Variants in LRRTM4 observed in about 807,000 individuals in gnomAD.
LRRTM4 encodes leucine rich repeat transmembrane neuronal 4, also known as leucine-rich repeat transmembrane neuronal protein 4.
Under a neutral mutation model 47.6 loss-of-function variants are expected in LRRTM4, and 25 were observed. The observed-to-expected ratio is 0.53, with a 90% confidence interval of 0.38 to 0.73. The LOEUF (loss-of-function observed/expected upper bound fraction) is 0.73. Among genes scored for constraint, LRRTM4 ranks in the 30% least tolerant of loss-of-function variants. The probability of loss-of-function intolerance (pLI) is 0.00; values close to 1 mark genes in which losing one functional copy is unlikely to be tolerated. For synonymous variants in LRRTM4, 311 were observed against 269.5 expected (o/e 1.15, Z -1.51); for missense variants, 638 against 713.4 (o/e 0.89, Z 1.20).
intron 3 of LRRTM4, among the ~76,000 whole-genome samples, chr2:76,960,269 G>C (rs115317799): frequency 9.2e-5 from 14 of 151,606 alleles, no homozygotes; most frequent in Non-Finnish European, 2.1e-4. Context: ...ACAATGCTAC[G>C]AGAGAGATAA....
intron 3 of LRRTM4, among the ~76,000 whole-genome samples, chr2:77,184,146 A>T (rs1314366936): frequency 6.6e-6 from 1 of 152,154 alleles, no homozygotes; most frequent in Non-Finnish European, 1.5e-5. Context: ...AGTAAAGTTC[A>T]GAAAAATAAA....
At chr2:77,178,026 T>C (rs928104317) in intron 3 of LRRTM4, among the ~76,000 whole-genome samples, 1 of 152,216 alleles carries the variant, frequency 6.6e-6, no homozygotes, top group African/African-American at 2.4e-5. Context: ...AACAATGACC[T>C]CCTTCATACT....
At chr2:77,289,789 T>C (rs144027861) in intron 3 of LRRTM4, among the ~76,000 whole-genome samples, 1 of 152,052 alleles carries the variant, frequency 6.6e-6, no homozygotes, top group African/African-American at 2.4e-5. Flanking sequence ...ACTTCTGACG[T>C]GAAATATTTG....
At position 76,778,475 on chromosome 2, in the gene LRRTM4, T is replaced by A. The variant is rs961674600; in HGVS notation, c.1552-29559A>T. Among the ~76,000 whole-genome samples the A allele has an allele frequency of 1.1e-3, 159 of 148,290 alleles. 12 individuals carry two copies. The highest frequency in any genetic ancestry group is 4.0e-3 in the African/African-American group (152 of 37,758). On this transcript the variant is annotated intron_variant, in intron 3 of 3. Transcript: ENST00000409884. ...TCTATTCAGAGATTCAACTTCTTCC[T>A]GGGTTAGTCTTGGGAGAGTGTATGT...
At chr2:77,147,253 A>G (rs1558604536) in intron 3 of LRRTM4, among the ~76,000 whole-genome samples, 2 of 152,200 alleles carry the variant, frequency 1.3e-5, no homozygotes, top group Non-Finnish European at 2.9e-5. Flanking sequence ...GAAGACATTG[A>G]TGCAGATATA....
chr2:77,321,557 G>A (rs577528803), intron 3 of LRRTM4, among the ~76,000 whole-genome samples: 1 of 111,222 alleles, frequency 9.0e-6, no homozygotes, highest in African/African-American at 4.2e-5. Flanking sequence ...CGGGGAGGGG[G>A]GGGGGTGTGT....
chr2:77,265,788 A>T (rs1676034282), intron 3 of LRRTM4, among the ~76,000 whole-genome samples: 1 of 152,170 alleles, frequency 6.6e-6, no homozygotes, highest in Admixed American at 6.5e-5. Flanking sequence ...AAAAGTTAGA[A>T]TTACACATTT....
chr2:77,346,819 A>G (rs922722091), intron 3 of LRRTM4, among the ~76,000 whole-genome samples: 79 of 151,548 alleles, frequency 5.2e-4, no homozygotes, highest in Middle Eastern at 3.2e-3. Flanking sequence ...ATCACAATAG[A>G]TTGATTTTAA....
intron 3 of LRRTM4, among the ~76,000 whole-genome samples, chr2:77,347,982 T>C (rs1374823221): frequency 2.0e-5 from 3 of 151,448 alleles, no homozygotes; most frequent in African/African-American, 7.3e-5. Context: ...AACATAAAAA[T>C]GCTCAAACTT....
chr2:76,831,840 G>T (rs563298418), intron 3 of LRRTM4, among the ~76,000 whole-genome samples: 1 of 151,776 alleles, frequency 6.6e-6, no homozygotes, highest in Non-Finnish European at 1.5e-5. Context: ...TTATATTTTT[G>T]TGCAGAAGGA....
chr2:76,807,717 G>A (rs1018643517), intron 3 of LRRTM4, among the ~76,000 whole-genome samples: 2 of 149,990 alleles, frequency 1.3e-5, no homozygotes, highest in Non-Finnish European at 3.0e-5. Flanking sequence ...TCAGCCTCCC[G>A]AGTAGTTGGG....
intron 3 of LRRTM4, among the ~76,000 whole-genome samples, chr2:76,956,727 CAAAATAAATAAATTCAGAAAG>C (rs1158540062): frequency 1.3e-5 from 2 of 149,684 alleles, no homozygotes; most frequent in Middle Eastern, 3.2e-3. Context: ...AGAGAAGATT[CAAAATAAATAAATTCAGAAAG>C]AAAACAGGAG....
At chr2:77,364,652 G>A (rs1672373555) in intron 3 of LRRTM4, among the ~76,000 whole-genome samples, 1 of 151,948 alleles carries the variant, frequency 6.6e-6, no homozygotes, top group South Asian at 2.1e-4. Context: ...CACCCTCTGT[G>A]AGTCAATAGT....
rs569106092 is a variant in LRRTM4 at position 77,521,578 on chromosome 2, C to T, written c.4+90G>A. 1.0e-5 allele frequency: 15 copies of T among 1,481,040 alleles called. 1 individual carries two copies. In the South Asian group the frequency reaches 1.2e-4, roughly 11 times the overall value. The allele number at this position is 1,481,040 out of a possible 1,614,324, so 91.7% of individuals were successfully genotyped here. ...AAAGGCTGCTGCTCTTTGCCTGTTT[C>T]CCCGTCTTTTATCTGCTAATGCCAC... On this transcript the variant is annotated intron_variant, in intron 2 of 3. Transcript: ENST00000409884.
At chr2:77,044,093 C>T (rs963448091) in intron 3 of LRRTM4, among the ~76,000 whole-genome samples, 3 of 151,594 alleles carry the variant, frequency 2.0e-5, no homozygotes, top group Non-Finnish European at 3.0e-5. Context: ...ATTATAATGC[C>T]TTAGATATTC....
chr2:77,171,809 A>C (rs970436793), intron 3 of LRRTM4, among the ~76,000 whole-genome samples: 4 of 152,116 alleles, frequency 2.6e-5, no homozygotes, highest in Non-Finnish European at 1.5e-5. Context: ...CATGAAAGGC[A>C]TTGCTCTTTA....
intron 3 of LRRTM4, among the ~76,000 whole-genome samples, chr2:77,057,276 GT>G (rs1292173075): frequency 2.0e-5 from 3 of 152,126 alleles, no homozygotes; most frequent in African/African-American, 7.2e-5. Context: ...TTAGATAATT[GT>G]GATAAGTTAC....
chr2:77,251,369 A>C (rs2104014945), intron 3 of LRRTM4, among the ~76,000 whole-genome samples: 1 of 151,778 alleles, frequency 6.6e-6, no homozygotes, highest in East Asian at 2.0e-4. Flanking sequence ...CTCAGCAGAG[A>C]GGATTGCTAG....
At chr2:76,821,907 A>G (rs1227302124) in intron 3 of LRRTM4, among the ~76,000 whole-genome samples, 1 of 151,602 alleles carries the variant, frequency 6.6e-6, no homozygotes, top group Admixed American at 6.6e-5. Context: ...TCCTCATTGC[A>G]TCATATAGTA....
Sources: allele counts gnomAD v4.1 joint callset (sites outside exome capture counted in the v4.1 genomes callset), GRCh38; gene constraint gnomAD v4.1.1; transcripts MANE v1.5; gene names NCBI Gene and HGNC (gene_info 2026-07-23, HGNC 2026-07-21).